BAZ2B: variants seen among roughly 807,000 people sequenced by gnomAD.
BAZ2B encodes the protein bromodomain adjacent to zinc finger domain protein 2B.
In BAZ2B, 91 loss-of-function variants were observed where a neutral mutation model predicts 246.0. That is an observed-to-expected ratio of 0.37 (90% confidence interval 0.31 to 0.44). BAZ2B has a LOEUF of 0.44. Among genes scored for constraint, BAZ2B ranks in the 20% least tolerant of loss-of-function variants. The probability of loss-of-function intolerance (pLI) is 1.00; values close to 1 mark genes in which losing one functional copy is unlikely to be tolerated. For missense variants in BAZ2B, 2,332 were observed against 2,533.7 expected (o/e 0.92, Z 1.71); for synonymous variants, 855 against 860.0 (o/e 0.99, Z 0.10).
At chr2:159,540,720 T>C (rs1270441083) in intron 2 of BAZ2B, among the ~76,000 whole-genome samples, 1 of 152,296 alleles carries the variant, frequency 6.6e-6, no homozygotes. Flanking sequence ...GTTACTTAAT[T>C]TCACTAAGTC....
intron 1 of BAZ2B, among the ~76,000 whole-genome samples, chr2:159,573,494 C>T (rs953502332): frequency 1.3e-5 from 2 of 152,132 alleles, no homozygotes; most frequent in Non-Finnish European, 2.9e-5. Context: ...CTACCTCACA[C>T]CATACACAAA....
At chr2:159,317,951 A>G (rs2148686850), downstream of BAZ2B, among the ~76,000 whole-genome samples, 1 of 152,316 alleles carries the variant, frequency 6.6e-6, no homozygotes, top group South Asian at 2.1e-4. Flanking sequence ...TCTGCTGAGT[A>G]ACAACAATGA....
At chr2:159,549,981 G>A (rs1473544981) in intron 2 of BAZ2B, among the ~76,000 whole-genome samples, 8 of 151,834 alleles carry the variant, frequency 5.3e-5, no homozygotes, top group Non-Finnish European at 2.9e-5. Context: ...GTGCCACCAC[G>A]CCTGGCGAAT....
chr2:159,579,396 A>G (rs915402863), intron 1 of BAZ2B, among the ~76,000 whole-genome samples: 1 of 152,234 alleles, frequency 6.6e-6, no homozygotes, highest in African/African-American at 2.4e-5. Context: ...ATCCCTGAAT[A>G]GATCAATAAC....
At chr2:159,610,145 A>T (rs918969) in intron 1 of BAZ2B, among the ~76,000 whole-genome samples, 1 of 151,846 alleles carries the variant, frequency 6.6e-6, no homozygotes, top group Non-Finnish European at 1.5e-5. Flanking sequence ...CAATGATCTC[A>T]TAGGAAAAAA....
rs1195799250 is a variant in BAZ2B at position 159,438,479 on chromosome 2, T to C, written c.1117A>G (p.Ser373Gly). 6.2e-7 allele frequency: 1 copy of C among 1,614,082 alleles called. No individual in the cohort carries two copies. The highest frequency in any genetic ancestry group is 8.5e-7 in the Non-Finnish European group (1 of 1,180,024). The change falls in exon 8 of 37, where the codon AGT becomes GGT. Residue 373 changes from serine (S) to glycine (G), a missense_variant. Physicochemically the swap from Ser to Gly is moderately conservative, Grantham distance 56 (BLOSUM62 0). Coordinates refer to ENST00000392783, the MANE Select transcript of BAZ2B (RefSeq NM_013450.4). ...ACCAATCCCGTAGACTGTATTACAC[T>C]GGTGTGTTTGTTCACAGATTCCTCC... ...AKEESVNKHT[S>G]VIQSTGLVSN...
chr2:159,370,555 G>A (rs1478669954), intron 27 of BAZ2B, among the ~76,000 whole-genome samples: 1 of 151,382 alleles, frequency 6.6e-6, no homozygotes, highest in Non-Finnish European at 1.5e-5. Context: ...TGTATTTTTA[G>A]TAGAGACGGG....
At chr2:159,706,724 G>A in the BAZ2B span, among the ~76,000 whole-genome samples, 1 of 152,302 alleles carries the variant, frequency 6.6e-6, no homozygotes, top group African/African-American at 2.4e-5. Flanking sequence ...CTCATTGTAG[G>A]GTGAAAGCAG....
the BAZ2B span, among the ~76,000 whole-genome samples, chr2:159,639,969 C>A: frequency 6.6e-6 from 1 of 151,622 alleles, no homozygotes; most frequent in Non-Finnish European, 1.5e-5. Flanking sequence ...CACACTTCAC[C>A]CATAAAGATA....
At chr2:159,493,915 T>C (rs1235703120) in intron 2 of BAZ2B, among the ~76,000 whole-genome samples, 3 of 152,212 alleles carry the variant, frequency 2.0e-5, no homozygotes, top group African/African-American at 7.2e-5. Context: ...AAACAGGTTA[T>C]GTGTGCATGG....
the BAZ2B span, among the ~76,000 whole-genome samples, chr2:159,640,665 C>T: frequency 6.6e-6 from 1 of 151,660 alleles, no homozygotes; most frequent in East Asian, 1.9e-4. Context: ...AATGGAAACA[C>T]AACATATCAA....
At chr2:159,315,489 G>A (rs1186624960), downstream of BAZ2B, among the ~76,000 whole-genome samples, 1 of 152,182 alleles carries the variant, frequency 6.6e-6, no homozygotes, top group Non-Finnish European at 1.5e-5. Context: ...CTTCTAAGAT[G>A]CCTCAGGCAC....
At chr2:159,655,183 T>C in the BAZ2B span, among the ~76,000 whole-genome samples, 1 of 152,222 alleles carries the variant, frequency 6.6e-6, no homozygotes, top group East Asian at 1.9e-4. Flanking sequence ...GTGAATTACC[T>C]GAGGTCAGGA....
intron 27 of BAZ2B, among the ~76,000 whole-genome samples, chr2:159,370,169 G>A (rs182085213): frequency 1.4e-4 from 21 of 152,190 alleles, no homozygotes; most frequent in Admixed American, 1.2e-3. Flanking sequence ...GGGGCCTGTC[G>A]TGGGGTGGTG....
chr2:159,445,712 A>G (rs982843555), intron 6 of BAZ2B, among the ~76,000 whole-genome samples: 3 of 152,172 alleles, frequency 2.0e-5, no homozygotes, highest in African/African-American at 7.2e-5. Context: ...GGGTCTCCTG[A>G]CCACCACTGG....
downstream of BAZ2B, among the ~76,000 whole-genome samples, chr2:159,315,409 A>G (rs1278623100): frequency 2.0e-5 from 3 of 152,238 alleles, no homozygotes; most frequent in Non-Finnish European, 2.9e-5. Context: ...AGGGTTGCTT[A>G]TGAAGTTTCA....
chr2:159,474,268 T>C (rs977893007), intron 3 of BAZ2B, among the ~76,000 whole-genome samples: 2 of 152,218 alleles, frequency 1.3e-5, no homozygotes, highest in Admixed American at 6.5e-5. Flanking sequence ...ATATTTAGGA[T>C]AGTTAGCTCT....
At chr2:159,581,314 T>G (rs992609713) in intron 1 of BAZ2B, among the ~76,000 whole-genome samples, 2 of 151,960 alleles carry the variant, frequency 1.3e-5, no homozygotes, top group Non-Finnish European at 2.9e-5. Flanking sequence ...AACAGACACA[T>G]GAAAAAATGC....
At chr2:159,708,026 G>T in the BAZ2B span, among the ~76,000 whole-genome samples, 1 of 151,918 alleles carries the variant, frequency 6.6e-6, no homozygotes, top group Admixed American at 6.6e-5. Flanking sequence ...AAATATAGCT[G>T]TTAACTGGAT....
Sources: gnomAD v4.1 joint callset for allele counts (sites outside exome capture counted in the v4.1 genomes callset) on GRCh38, gnomAD v4.1.1 for gene constraint, MANE v1.5 for transcripts, NCBI Gene and HGNC (gene_info 2026-07-23, HGNC 2026-07-21) for gene names.